SOX5: variants seen among roughly 807,000 people sequenced by gnomAD.
SOX5 encodes transcription factor SOX-5.
Under a neutral mutation model 92.0 loss-of-function variants are expected in SOX5, and 9 were observed. That is an observed-to-expected ratio of 0.10 (90% CI 0.06 to 0.17). The LOEUF (loss-of-function observed/expected upper bound fraction) is 0.17. Ranked by LOEUF, SOX5 falls within the 10% of genes least tolerant of loss-of-function variation. The probability of loss-of-function intolerance (pLI) is 1.00; values close to 1 mark genes in which losing one functional copy is unlikely to be tolerated. For missense variants in SOX5, 642 were observed against 944.5 expected (o/e 0.68, Z 4.20); for synonymous variants, 344 against 336.3 (o/e 1.02, Z -0.25).
rs375911439 is a variant in SOX5 at position 24,348,478 on chromosome 12, G to T, written c.-174+20085C>A. On this transcript the variant is annotated intron_variant, in intron 2 of 4. Transcript: ENST00000446891. Reference sequence around the variant, plus strand: ...GCTCACTGTAACCCCTACCTCCCAGGTTCAAGTGATTCTCCTGCCTCAGCC... The same window carrying T: ...GCTCACTGTAACCCCTACCTCCCAGTTTCAAGTGATTCTCCTGCCTCAGCC... Among the ~76,000 whole-genome samples the T allele has an allele frequency of 7.9e-5, 12 of 152,080 alleles. No individual in the cohort carries two copies. In the East Asian group the frequency reaches 2.3e-3, roughly 29 times the overall value.
At chr12:24,346,958 C>T (rs941772299) in intron 2 of SOX5, among the ~76,000 whole-genome samples, 1 of 152,132 alleles carries the variant, frequency 6.6e-6, no homozygotes, top group African/African-American at 2.4e-5. Flanking sequence ...AGCACACTAA[C>T]ACGGCACATG....
At chr12:23,913,226 T>C (rs898725116) in intron 1 of SOX5, among the ~76,000 whole-genome samples, 1 of 152,216 alleles carries the variant, frequency 6.6e-6, no homozygotes, top group Non-Finnish European at 1.5e-5. Context: ...ATATATGCTT[T>C]AAATTGGATT....
chr12:24,136,736 G>T (rs549461777), intron 4 of SOX5, among the ~76,000 whole-genome samples: 1 of 152,240 alleles, frequency 6.6e-6, no homozygotes. Flanking sequence ...CAAACAAAAA[G>T]GCTGCTTGAA....
At chr12:23,586,203 A>G (rs77918324) in intron 9 of SOX5, among the ~76,000 whole-genome samples, 3,003 of 152,208 alleles carry the variant, frequency 0.02, 88 homozygotes, top group African/African-American at 0.069. Flanking sequence ...GTAAGACAAC[A>G]AGGCCACTTA....
At chr12:24,320,472 G>T (rs1950100836) in intron 2 of SOX5, among the ~76,000 whole-genome samples, 1 of 152,118 alleles carries the variant, frequency 6.6e-6, no homozygotes. Flanking sequence ...CTTATCTAGT[G>T]TCTTTGTTAT....
intron 2 of SOX5, among the ~76,000 whole-genome samples, chr12:24,335,993 A>ATATAT (rs1395314485): frequency 5.1e-5 from 7 of 138,350 alleles, no homozygotes; most frequent in Non-Finnish European, 7.9e-5. Context: ...ATATATCCAT[A>ATATAT]ATATTAAATT....
At chr12:23,841,775 T>A (rs1234645697) in intron 3 of SOX5, among the ~76,000 whole-genome samples, 1 of 151,994 alleles carries the variant, frequency 6.6e-6, no homozygotes, top group African/African-American at 2.4e-5. Context: ...AGTGATTACT[T>A]GGGATTCTAG....
chr12:23,577,017 A>G lies in SOX5; in HGVS notation c.1165-1179T>C, dbSNP rs138267213. 1.7e-4 allele frequency among the ~76,000 whole-genome samples: 25 copies of G among 151,130 alleles called. No homozygotes were observed. In the East Asian group the frequency reaches 4.7e-3, roughly 28 times the overall value. On this transcript the variant is annotated intron_variant, in intron 9 of 14. Coordinates refer to ENST00000451604, the MANE Select transcript of SOX5 (RefSeq NM_006940.6). ...TAATCAAATGGGGTAGTCAGGTGAC[A>G]TTAAAGTATATGTTAATTACTGTAT... is the stretch of plus-strand genomic sequence containing the variant.
At chr12:23,575,974 T>C in intron 9 of SOX5, 136 bp from the exon 10 acceptor site, 1 of 610,614 alleles carries the variant, frequency 1.6e-6, no homozygotes, top group African/African-American at 1.9e-5. Flanking sequence ...ATTCTGAACA[T>C]TACAGCATTT....
chr12:23,693,234 G>T (rs561165196), intron 6 of SOX5, among the ~76,000 whole-genome samples: 12 of 152,008 alleles, frequency 7.9e-5, no homozygotes, highest in African/African-American at 2.9e-4. Flanking sequence ...AGCAATTTTC[G>T]TGCCTCAGCC....
intron 1 of SOX5, among the ~76,000 whole-genome samples, chr12:24,465,156 C>T (rs1003790460): frequency 1.3e-5 from 2 of 152,176 alleles, no homozygotes; most frequent in East Asian, 1.9e-4. Flanking sequence ...CTTTCTCTCA[C>T]GGATGGGAAA....
intron 1 of SOX5, among the ~76,000 whole-genome samples, chr12:24,386,921 G>A (rs1014300571): frequency 3.4e-4 from 51 of 152,198 alleles, no homozygotes; most frequent in Admixed American, 3.3e-3. Flanking sequence ...TATTTCTACA[G>A]GCTTGAGTAT....
At chr12:24,006,628 G>A (rs1226879776) in intron 4 of SOX5, among the ~76,000 whole-genome samples, 2 of 152,070 alleles carry the variant, frequency 1.3e-5, no homozygotes, top group African/African-American at 4.8e-5. Context: ...GGATTGGGTA[G>A]ACAAATCTGC....
At chr12:23,877,365 GT>G (rs1164281842) in intron 2 of SOX5, among the ~76,000 whole-genome samples, 1 of 151,932 alleles carries the variant, frequency 6.6e-6, no homozygotes, top group Non-Finnish European at 1.5e-5. Flanking sequence ...TACCTGCATA[GT>G]TACAGTTGCC....
chr12:24,195,465 A>G (rs571956314), intron 4 of SOX5, among the ~76,000 whole-genome samples: 1 of 152,230 alleles, frequency 6.6e-6, no homozygotes, highest in African/African-American at 2.4e-5. Flanking sequence ...TCAAATAATT[A>G]GGCAAAAGTT....
chr12:24,196,470 GGAGA>G (rs1957022195), intron 4 of SOX5, among the ~76,000 whole-genome samples: 1 of 152,138 alleles, frequency 6.6e-6, no homozygotes, highest in Non-Finnish European at 1.5e-5. Context: ...TTTTCTAAAT[GGAGA>G]AACTGGAGTA....
At chr12:24,336,913 T>G (rs1304357511) in intron 2 of SOX5, among the ~76,000 whole-genome samples, 1 of 152,222 alleles carries the variant, frequency 6.6e-6, no homozygotes, top group Non-Finnish European at 1.5e-5. Context: ...TTGGGCATTT[T>G]CTGAGCAAAT....
intron 4 of SOX5, among the ~76,000 whole-genome samples, chr12:23,983,039 G>C (rs1949731407): frequency 6.6e-6 from 1 of 151,550 alleles, no homozygotes; most frequent in African/African-American, 2.4e-5. Flanking sequence ...TCAAGATCCT[G>C]AGTTAGTCTT....
chr12:23,870,731 T>C (rs2096863483), intron 2 of SOX5, among the ~76,000 whole-genome samples: 1 of 152,052 alleles, frequency 6.6e-6, no homozygotes, highest in Non-Finnish European at 1.5e-5. Flanking sequence ...GGTGCTAAAT[T>C]GTATTCTAAA....
Sources: gnomAD v4.1 joint callset for allele counts (sites outside exome capture counted in the v4.1 genomes callset) on GRCh38, gnomAD v4.1.1 for gene constraint, MANE v1.5 for transcripts, NCBI Gene and HGNC (gene_info 2026-07-23, HGNC 2026-07-21) for gene names.